The following TCF12 variants were observed in gnomAD, a reference collection of about 807,000 sequenced individuals.
TCF12 encodes the protein transcription factor 12.
TCF12 carries 45 observed loss-of-function variants against 86.0 expected under a neutral mutation model. The observed-to-expected ratio is 0.52, with a 90% CI of 0.41 to 0.67. The LOEUF is 0.67. TCF12 is among the 30% of genes least tolerant of loss of function. TCF12 has a pLI of 0.00. For synonymous variants in TCF12, 330 were observed against 299.6 expected (o/e 1.10, Z -1.05); for missense variants, 881 against 859.9 (o/e 1.02, Z -0.31).
At chr15:56,981,295 A>T (rs1289231143) in intron 3 of TCF12, among the ~76,000 whole-genome samples, 1 of 152,222 alleles carries the variant, frequency 6.6e-6, no homozygotes, top group Non-Finnish European at 1.5e-5. Context: ...AGGTATCAGT[A>T]GGTTTGATCT....
intron 3 of TCF12, among the ~76,000 whole-genome samples, chr15:56,965,861 G>C (rs1328291852): frequency 6.6e-6 from 1 of 152,090 alleles, no homozygotes; most frequent in Admixed American, 6.5e-5. Context: ...TTAGTCACTG[G>C]CTCTGATAGC....
intron 3 of TCF12, among the ~76,000 whole-genome samples, chr15:56,959,655 A>G (rs1210625054): frequency 6.6e-6 from 1 of 152,210 alleles, no homozygotes; most frequent in African/African-American, 2.4e-5. Flanking sequence ...GAAATTGGGG[A>G]CAGTTTAATC....
Position 57,140,316 on chromosome 15 carries a change from A to G in TCF12, c.326-26086A>G, listed in dbSNP as rs1326011183. On this transcript the variant is annotated intron_variant, in intron 5 of 20. Transcript: ENST00000333725. ...GTATGCTAAGTGAAATAAGCCAGTC[A>G]TAAAAAGACAAATACTGTATAATTC... is the stretch of plus-strand genomic sequence containing the variant. 3.9e-5 allele frequency among the ~76,000 whole-genome samples: 6 copies of G among 152,374 alleles called. No individual in the cohort carries two copies. The East Asian group carries it at 1.2e-3, about 29-fold the overall frequency.
intron 3 of TCF12, among the ~76,000 whole-genome samples, chr15:56,945,980 G>T (rs570071369): frequency 6.6e-6 from 1 of 152,264 alleles, no homozygotes; most frequent in East Asian, 1.9e-4. Context: ...GCCCTCACCA[G>T]ATGCTAGCAC....
At chr15:57,284,159 C>G (rs2061828084) in intron 20 of TCF12, among the ~76,000 whole-genome samples, 1 of 151,970 alleles carries the variant, frequency 6.6e-6, no homozygotes, top group African/African-American at 2.4e-5. Flanking sequence ...CAAAAATAAA[C>G]TTTGAAGTTT....
intron 3 of TCF12, among the ~76,000 whole-genome samples, chr15:57,047,325 G>A (rs2067299919): frequency 6.6e-6 from 1 of 152,170 alleles, no homozygotes; most frequent in Admixed American, 6.5e-5. Context: ...GTAATTCAAG[G>A]TTAGCAAAGG....
At chr15:57,151,892 C>T (rs2053789061) in intron 5 of TCF12, among the ~76,000 whole-genome samples, 1 of 152,180 alleles carries the variant, frequency 6.6e-6, no homozygotes, top group African/African-American at 2.4e-5. Flanking sequence ...CTACCTCCGT[C>T]ACAAGCCTAA....
At chr15:57,174,283 TCA>T (rs1458622346) in intron 6 of TCF12, among the ~76,000 whole-genome samples, 3 of 152,146 alleles carry the variant, frequency 2.0e-5, no homozygotes, top group Non-Finnish European at 4.4e-5. Context: ...TGTATTTAGT[TCA>T]CCACATTATA....
At chr15:57,077,879 A>AT (rs1276139436) in intron 4 of TCF12, among the ~76,000 whole-genome samples, 1 of 152,018 alleles carries the variant, frequency 6.6e-6, no homozygotes, top group Non-Finnish European at 1.5e-5. Flanking sequence ...CTTCTTTTTA[A>AT]TTTTTTATTA....
intron 20 of TCF12, among the ~76,000 whole-genome samples, chr15:57,283,126 A>C (rs1360635588): frequency 3.3e-5 from 5 of 152,230 alleles, no homozygotes; most frequent in African/African-American, 1.2e-4. Context: ...ACCCTCTAGA[A>C]TCTATTAATG....
At chr15:57,104,447 T>C (rs7178845) in intron 5 of TCF12, among the ~76,000 whole-genome samples, 10,771 of 144,742 alleles carry the variant, frequency 0.074, 488 homozygotes, top group African/African-American at 0.13. Flanking sequence ...TTTTTTTTTT[T>C]TTTTTTTTTT....
intron 5 of TCF12, among the ~76,000 whole-genome samples, chr15:57,095,960 G>A (rs1320704170): frequency 6.6e-6 from 1 of 152,108 alleles, no homozygotes; most frequent in African/African-American, 2.4e-5. Flanking sequence ...TCTTTCTGAG[G>A]TCACAAAGCC....
intron 5 of TCF12, among the ~76,000 whole-genome samples, chr15:57,157,763 A>G (rs1432211117): frequency 6.6e-6 from 1 of 151,910 alleles, no homozygotes; most frequent in Non-Finnish European, 1.5e-5. Flanking sequence ...GGGTTTCACT[A>G]TGTTGGCTAG....
intron 8 of TCF12, chr15:57,213,942 C>G (rs537661168): frequency 3.3e-5 from 5 of 152,208 alleles, no homozygotes; most frequent in Non-Finnish European, 7.4e-5. Context: ...GGGTCATCCT[C>G]ATTGTTTTTT....
intron 3 of TCF12, among the ~76,000 whole-genome samples, chr15:57,057,000 G>C (rs1041927660): frequency 3.3e-5 from 5 of 152,050 alleles, no homozygotes; most frequent in Non-Finnish European, 5.9e-5. Context: ...GTTATTTGTG[G>C]AAATTGTGGC....
At chr15:57,165,885 T>G (rs1368266352) in intron 5 of TCF12, among the ~76,000 whole-genome samples, 1 of 152,176 alleles carries the variant, frequency 6.6e-6, no homozygotes, top group African/African-American at 2.4e-5. Flanking sequence ...AGGTTCAGTC[T>G]GAAGCAAACA....
chr15:57,009,767 C>G (rs533626319), intron 3 of TCF12, among the ~76,000 whole-genome samples: 69 of 152,262 alleles, frequency 4.5e-4, no homozygotes, highest in African/African-American at 1.7e-3. Context: ...GTTCTAGGTT[C>G]CACAGGTGAT....
At chr15:57,187,844 C>T (rs1366799547) in intron 6 of TCF12, among the ~76,000 whole-genome samples, 1 of 151,974 alleles carries the variant, frequency 6.6e-6, no homozygotes, top group African/African-American at 2.4e-5. Context: ...GCAGGAGAAT[C>T]GCTTGAACCT....
intron 5 of TCF12, among the ~76,000 whole-genome samples, chr15:57,144,979 A>G (rs1256959764): frequency 6.6e-6 from 1 of 152,180 alleles, no homozygotes; most frequent in Non-Finnish European, 1.5e-5. Flanking sequence ...GCTTATCTGT[A>G]AGGAATATAC....
Sources: allele counts gnomAD v4.1 joint callset (sites outside exome capture counted in the v4.1 genomes callset), GRCh38; gene constraint gnomAD v4.1.1; transcripts MANE v1.5; gene names NCBI Gene and HGNC (gene_info 2026-07-23, HGNC 2026-07-21).